Variants in EML2 observed in about 807,000 individuals in gnomAD.
EML2 encodes echinoderm microtubule-associated protein-like 2.
In EML2, 59 loss-of-function variants were observed where a neutral mutation model predicts 84.7. That is an observed-to-expected ratio of 0.70 (90% CI 0.56 to 0.86). The LOEUF (loss-of-function observed/expected upper bound fraction) is 0.86. Among genes scored for constraint, EML2 ranks in the 40% least tolerant of loss-of-function variants. EML2 has a pLI of 0.00. For synonymous variants in EML2, 352 were observed against 348.9 expected (o/e 1.01, Z -0.10); for missense variants, 818 against 855.6 (o/e 0.96, Z 0.55).
intron 8 of EML2, 21 bp downstream of exon 8, chr19:45,626,684 C>T (rs1318350332): frequency 2.5e-6 from 4 of 1,600,020 alleles, no homozygotes; most frequent in Non-Finnish European, 3.4e-6. Context: ...CCAGCCTGTC[C>T]CCCAAACCCC....
chr19:45,643,618 C>T (rs949261063), upstream of EML2: 6 of 1,536,046 alleles, frequency 3.9e-6, no homozygotes, highest in East Asian at 7.3e-5. Flanking sequence ...AGCCCTGGTT[C>T]CCAGCCTGGT....
chr19:45,642,854 G>A (rs1974689016), upstream of EML2: 1 of 151,606 alleles, frequency 6.6e-6, no homozygotes, highest in Non-Finnish European at 1.5e-5. Context: ...GGGCGTGGTG[G>A]CGCGTGCCTG....
At chr19:45,645,323 G>A (rs1331726520), upstream of EML2, 12 of 1,532,578 alleles carry the variant, frequency 7.8e-6, no homozygotes, top group Middle Eastern at 1.8e-4. Context: ...GCAGAAGGCC[G>A]GGCCGCGCTC....
At chr19:45,626,003 G>A (rs1304497847) in intron 8 of EML2, among the ~76,000 whole-genome samples, 1 of 151,224 alleles carries the variant, frequency 6.6e-6, no homozygotes, top group African/African-American at 2.4e-5. Flanking sequence ...CAGCCTCCCA[G>A]GTAGCTGGGA....
upstream of EML2, chr19:45,642,386 C>A: frequency 5.9e-6 from 9 of 1,522,326 alleles, no homozygotes; most frequent in Non-Finnish European, 7.9e-6. Flanking sequence ...TGCAGGGCCA[C>A]CCAGGAGCTC....
At chr19:45,610,805 A>T (rs1970414290) in intron 18 of EML2, among the ~76,000 whole-genome samples, 1 of 152,094 alleles carries the variant, frequency 6.6e-6, no homozygotes, top group Admixed American at 6.6e-5. Flanking sequence ...GTGCCACTGC[A>T]CTCCAGCCCG....
intron 3 of EML2, among the ~76,000 whole-genome samples, chr19:45,637,258 T>C (rs142815341): frequency 7.2e-5 from 11 of 152,212 alleles, no homozygotes; most frequent in African/African-American, 1.7e-4. Context: ...CCAAGCTCAA[T>C]AGGATTTTAG....
intron 11 of EML2, among the ~76,000 whole-genome samples, chr19:45,619,992 A>G (rs1411343386): frequency 6.6e-6 from 1 of 152,118 alleles, no homozygotes; most frequent in African/African-American, 2.4e-5. Context: ...CGGAGGTTGC[A>G]GTGAGCTGAA....
chr19:45,638,274 G>A (rs971448972), intron 3 of EML2, among the ~76,000 whole-genome samples: 2 of 152,180 alleles, frequency 1.3e-5, no homozygotes, highest in Non-Finnish European at 2.9e-5. Context: ...TCCAGAGCCC[G>A]GGCTTCCAGC....
At chr19:45,643,667 G>C, upstream of EML2, 1 of 1,536,030 alleles carries the variant, frequency 6.5e-7, no homozygotes, top group Non-Finnish European at 8.7e-7. Flanking sequence ...ACAGGGCGTG[G>C]AGCTCGCCCC....
chr19:45,641,236 GA>G (rs1365809376), upstream of EML2: 1 of 170,554 alleles, frequency 5.9e-6, no homozygotes, highest in East Asian at 1.7e-4. Flanking sequence ...TCGCCCAGGC[GA>G]ACACTGTGGC....
chr19:45,629,897 TG>T, intron 7 of EML2, 53 bp downstream of exon 7: 1 of 1,379,526 alleles, frequency 7.2e-7, no homozygotes, highest in Admixed American at 1.7e-5. Context: ...CCACTGAGAT[TG>T]GGAAAGTCCC....
intron 11 of EML2, 88 bp downstream of exon 11, chr19:45,621,119 C>A (rs776177717): frequency 7.2e-6 from 11 of 1,533,614 alleles, no homozygotes; most frequent in Non-Finnish European, 9.7e-6. Flanking sequence ...GTGAGGAGAA[C>A]TGGGAGTGGG....
intron 8 of EML2, 111 bp downstream of exon 8, chr19:45,626,594 G>C: frequency 8.1e-7 from 1 of 1,234,340 alleles, no homozygotes; most frequent in Admixed American, 2.2e-5. Flanking sequence ...ACATCTCAGC[G>C]TCCCTGTAAT....
chr19:45,626,964 T>C (rs1972423131), intron 7 of EML2, 125 bp from the exon 8 acceptor site: 1 of 861,348 alleles, frequency 1.2e-6, no homozygotes. Flanking sequence ...ACTTTTCTTT[T>C]TTTTTTTTTT....
In EML2 at chr19:45,609,552, C is replaced by CCA; in HGVS notation, c.*110_*111insTG. 1 of 1,217,660 alleles carries CCA rather than the reference C, an allele frequency of 8.2e-7. No individual in the cohort carries two copies. The highest frequency in any genetic ancestry group is 1.1e-6 in the Non-Finnish European group (1 of 931,380). 75.4% of individuals were successfully genotyped at this position (1,217,660 alleles called of 1,614,324 possible). On this transcript the variant is annotated 3_prime_UTR_variant, in exon 19 of 19. Coordinates refer to ENST00000245925, the MANE Select transcript of EML2 (RefSeq NM_012155.4). ...GTATGTCAGTCTACCCTCCCGCCCC[C>CCA]ATAACCCCCTCTGCTATAGACATAC...
chr19:45,613,346 G>T (rs910820779), intron 18 of EML2, among the ~76,000 whole-genome samples, 195 bp downstream of exon 18: 11 of 152,230 alleles, frequency 7.2e-5, no homozygotes, highest in Admixed American at 2.0e-4. Context: ...AGAGAACCAG[G>T]TCTTCACCAT....
At chr19:45,645,395 CA>C (rs1974960903), upstream of EML2, 1 of 1,497,848 alleles carries the variant, frequency 6.7e-7, no homozygotes, top group African/African-American at 1.4e-5. Flanking sequence ...CCGGTCCCCC[CA>C]ACCAGGCCCT....
At chr19:45,621,135 G>A (rs1971639790) in intron 11 of EML2, 72 bp downstream of exon 11, 3 of 1,563,836 alleles carry the variant, frequency 1.9e-6, no homozygotes, top group Non-Finnish European at 1.7e-6. Context: ...GTGGGGAGGG[G>A]GAGTGGATGA....
Sources: allele counts gnomAD v4.1 joint callset (sites outside exome capture counted in the v4.1 genomes callset), GRCh38; gene constraint gnomAD v4.1.1; transcripts MANE v1.5; gene names NCBI Gene and HGNC (gene_info 2026-07-23, HGNC 2026-07-21).